Variants in UST observed in about 807,000 individuals in gnomAD.
UST encodes the protein chondroitin sulfate 2-O-sulfotransferase.
UST carries 21 observed loss-of-function variants against 45.6 expected under a neutral mutation model. The observed-to-expected ratio is 0.46, with a 90% CI of 0.33 to 0.66. UST has a LOEUF of 0.66. UST is among the 30% of genes least tolerant of loss of function. The pLI, the probability that UST is intolerant of heterozygous loss-of-function variation, is 0.02. For missense variants in UST, 463 were observed against 512.4 expected (o/e 0.90, Z 0.93); for synonymous variants, 215 against 200.6 (o/e 1.07, Z -0.61).
chr6:148,755,274 A>C (rs1776073316), intron 1 of UST, among the ~76,000 whole-genome samples: 1 of 152,234 alleles, frequency 6.6e-6, no homozygotes, highest in South Asian at 2.1e-4. Flanking sequence ...TATGAAGGAC[A>C]AATATATAGG....
At chr6:148,865,694 G>A in intron 1 of UST, among the ~76,000 whole-genome samples, 1 of 151,412 alleles carries the variant, frequency 6.6e-6, no homozygotes, top group East Asian at 1.9e-4. Context: ...GTGTGTGTGT[G>A]TGTGTGTGTG....
At chr6:148,770,232 AGAG>A (rs1247253285) in intron 1 of UST, among the ~76,000 whole-genome samples, 1 of 151,780 alleles carries the variant, frequency 6.6e-6, no homozygotes, top group African/African-American at 2.4e-5. Context: ...TGGGGAGCAC[AGAG>A]GAGAAGAGAG....
At chr6:149,049,113 G>C (rs1776438021) in intron 7 of UST, among the ~76,000 whole-genome samples, 1 of 152,048 alleles carries the variant, frequency 6.6e-6, no homozygotes, top group African/African-American at 2.4e-5. Context: ...AAATGTAAGT[G>C]ATTCTTTGAT....
chr6:148,932,277 G>A (rs2114911825), intron 2 of UST, among the ~76,000 whole-genome samples: 1 of 152,262 alleles, frequency 6.6e-6, no homozygotes. Context: ...CTGTTCAGGA[G>A]GCTGAGGAAT....
At chr6:149,026,162 A>C (rs1014193802) in intron 7 of UST, among the ~76,000 whole-genome samples, 6 of 142,856 alleles carry the variant, frequency 4.2e-5, no homozygotes, top group African/African-American at 1.5e-4. Context: ...AAAAAAAAAA[A>C]AAAACAGGCC....
At chr6:148,982,067 G>A (rs1026408447) in intron 5 of UST, among the ~76,000 whole-genome samples, 1 of 151,590 alleles carries the variant, frequency 6.6e-6, no homozygotes, top group Non-Finnish European at 1.5e-5. Flanking sequence ...AAAGGCAGAA[G>A]GGCAAGCGAG....
At chr6:149,052,592 G>GTCTC (rs10545521) in intron 7 of UST, among the ~76,000 whole-genome samples, 1 of 150,182 alleles carries the variant, frequency 6.7e-6, no homozygotes, top group Non-Finnish European at 1.5e-5. Context: ...CTCTTAACTG[G>GTCTC]TCTCTCTCTC....
At chr6:148,876,364 G>A (rs1054015008) in intron 1 of UST, among the ~76,000 whole-genome samples, 1 of 152,128 alleles carries the variant, frequency 6.6e-6, no homozygotes, top group Non-Finnish European at 1.5e-5. Context: ...ATGAGACTTG[G>A]AGGGGACATC....
intron 1 of UST, among the ~76,000 whole-genome samples, chr6:148,781,676 G>A (rs1776646514): frequency 6.6e-6 from 1 of 152,190 alleles, no homozygotes; most frequent in Admixed American, 6.5e-5. Flanking sequence ...TAGTTACAGA[G>A]GAGAACCCGG....
In UST at chr6:148,762,767, C is replaced by T. The variant is rs568722119; in HGVS notation, c.247+15090C>T. On this transcript the variant is annotated intron_variant, in intron 1 of 7. Transcript: ENST00000367463. Reference sequence around the variant, plus strand: ...CCATGTGTACCCATTGTTTAGCTCTCACTTCTAAGTGAGAATGTGTGGTAT... The same window carrying T: ...CCATGTGTACCCATTGTTTAGCTCTTACTTCTAAGTGAGAATGTGTGGTAT... Among the ~76,000 whole-genome samples the T allele has an allele frequency of 2.0e-5, 3 of 152,202 alleles. No individual in the cohort carries two copies. In the East Asian group the frequency reaches 5.8e-4, roughly 29 times the overall value.
At chr6:149,001,699 T>A (rs1781552415) in intron 5 of UST, among the ~76,000 whole-genome samples, 1 of 152,120 alleles carries the variant, frequency 6.6e-6, no homozygotes, top group African/African-American at 2.4e-5. Context: ...AAAAGCATTA[T>A]TAAAAGATGA....
At chr6:149,056,143 T>G (rs1197856254) in intron 7 of UST, among the ~76,000 whole-genome samples, 1 of 72,808 alleles carries the variant, frequency 1.4e-5, no homozygotes, top group Non-Finnish European at 2.8e-5. Flanking sequence ...TTTTTTTTTT[T>G]GAAATGGGGT....
chr6:148,978,402 G>A (rs1215587369), intron 5 of UST, among the ~76,000 whole-genome samples: 1 of 152,050 alleles, frequency 6.6e-6, no homozygotes, highest in Non-Finnish European at 1.5e-5. Context: ...GTTTATAATA[G>A]CAAAGACTTG....
intron 5 of UST, among the ~76,000 whole-genome samples, chr6:148,996,470 C>T (rs906875769): frequency 1.2e-4 from 18 of 152,188 alleles, no homozygotes; most frequent in African/African-American, 3.1e-4. Flanking sequence ...CTGCCTGCCC[C>T]GGCTTCCCAA....
intron 5 of UST, among the ~76,000 whole-genome samples, chr6:149,000,024 G>A (rs901270995): frequency 6.6e-6 from 1 of 152,230 alleles, no homozygotes; most frequent in African/African-American, 2.4e-5. Flanking sequence ...CCACAGGCCA[G>A]CTGGGCTCTG....
At chr6:149,017,641 C>T (rs934669722) in intron 5 of UST, among the ~76,000 whole-genome samples, 2 of 152,132 alleles carry the variant, frequency 1.3e-5, no homozygotes, top group African/African-American at 4.8e-5. Flanking sequence ...TTCAGGATAG[C>T]ACACACAGAT....
intron 1 of UST, among the ~76,000 whole-genome samples, chr6:148,758,663 C>T (rs1239341921): frequency 1.3e-5 from 2 of 152,174 alleles, no homozygotes; most frequent in African/African-American, 4.8e-5. Context: ...AGCAGTGAAC[C>T]GCAGAAGCAG....
chr6:148,921,672 C>T (rs747240308), intron 2 of UST, among the ~76,000 whole-genome samples: 8 of 152,206 alleles, frequency 5.3e-5, no homozygotes, highest in Non-Finnish European at 1.0e-4. Flanking sequence ...TCCAGGTGAA[C>T]AGCTATAGAG....
intron 1 of UST, among the ~76,000 whole-genome samples, chr6:148,764,456 C>G (rs1370095973): frequency 6.6e-6 from 1 of 152,152 alleles, no homozygotes; most frequent in East Asian, 1.9e-4. Context: ...TTGACTTCCT[C>G]TTTTCTAATT....
Sources: allele counts gnomAD v4.1 joint callset (sites outside exome capture counted in the v4.1 genomes callset), GRCh38; gene constraint gnomAD v4.1.1; transcripts MANE v1.5; gene names NCBI Gene and HGNC (gene_info 2026-07-23, HGNC 2026-07-21).